Variants in SLC12A6 observed in about 807,000 individuals in gnomAD.
SLC12A6 encodes the protein K-Cl cotransporter 3.
In SLC12A6, 66 loss-of-function variants were observed where a neutral mutation model predicts 135.3. The observed-to-expected ratio is 0.49, with a 90% CI of 0.40 to 0.60. SLC12A6 has a LOEUF of 0.60. SLC12A6 is among the 20% of genes least tolerant of loss of function. The pLI, the probability that SLC12A6 is intolerant of heterozygous loss-of-function variation, is 0.00. For synonymous variants in SLC12A6, 513 were observed against 508.8 expected (o/e 1.01, Z -0.11); for missense variants, 1,058 against 1,452.3 (o/e 0.73, Z 4.41).
In SLC12A6 at chr15:34,332,385, T is replaced by C. The variant is rs140441611; in HGVS notation, c.271+4025A>G. On this transcript the variant is annotated intron_variant, in intron 2 of 25. Transcript: ENST00000354181. The stretch of plus-strand genomic sequence containing the variant: ...CATTATACCATGAGATCTGCAAAGG[T>C]AGAAACTATATGTTACCTGTATATT... Among the ~76,000 whole-genome samples, 3 of 152,314 alleles carry C rather than the reference T, an allele frequency of 2.0e-5. No individual in the cohort carries two copies. In the East Asian group the frequency reaches 5.8e-4, roughly 29 times the overall value.
intron 13 of SLC12A6, 129 bp from the exon 14 acceptor site, chr15:34,245,996 G>A (rs191278116): frequency 6.8e-4 from 519 of 759,756 alleles, no homozygotes; most frequent in Non-Finnish European, 3.8e-4. Flanking sequence ...GCAGTGGTGT[G>A]ATCTTGGCTC....
chr15:34,285,508 GT>G (rs746968107), intron 2 of SLC12A6, among the ~76,000 whole-genome samples: 183 of 143,280 alleles, frequency 1.3e-3, no homozygotes, highest in East Asian at 2.8e-3. Context: ...GCTTATGATG[GT>G]TTTTTTTTTT....
chr15:34,281,111 AAG>A (rs1894650146), intron 2 of SLC12A6, among the ~76,000 whole-genome samples: 1 of 152,206 alleles, frequency 6.6e-6, no homozygotes, highest in African/African-American at 2.4e-5. Flanking sequence ...TAGATAAAAA[AAG>A]AGTAAGTCTA....
At chr15:34,241,776 T>A (rs938838495) in intron 17 of SLC12A6, among the ~76,000 whole-genome samples, 1 of 152,248 alleles carries the variant, frequency 6.6e-6, no homozygotes, top group Admixed American at 6.5e-5. Context: ...TGTTCAGAAC[T>A]AATTTCTTTT....
At chr15:34,332,467 T>G (rs1889914327) in intron 2 of SLC12A6, among the ~76,000 whole-genome samples, 1 of 152,152 alleles carries the variant, frequency 6.6e-6, no homozygotes, top group Non-Finnish European at 1.5e-5. Context: ...GAGTATCTGT[T>G]GACTTATAAA....
At chr15:34,310,414 A>AGTGTGTGT (rs146623414) in intron 2 of SLC12A6, among the ~76,000 whole-genome samples, 108 of 57,556 alleles carry the variant, frequency 1.9e-3, no homozygotes, top group African/African-American at 8.5e-3. Context: ...CCTGGGCTCA[A>AGTGTGTGT]GTGTGTGTGT....
In SLC12A6 at chr15:34,240,654, C is replaced by A. The variant is rs781098444; in HGVS notation, c.2436+7G>T. On this transcript the variant is annotated splice_region_variant and intron_variant, in intron 19 of 25. Coordinates refer to ENST00000354181, the MANE Select transcript of SLC12A6 (RefSeq NM_001365088.1). Reference sequence around the variant, plus strand: ...GAGTTCCAATACCTCAAAAGCCTGACTCTTACCTGCTCAGCAGCTAAAGCT... The same window carrying A: ...GAGTTCCAATACCTCAAAAGCCTGAATCTTACCTGCTCAGCAGCTAAAGCT... The A allele has an allele frequency of 5.0e-6, 8 of 1,612,910 alleles. No homozygotes were observed. Among genetic ancestry groups the A allele is most frequent in the Non-Finnish European group, 6.8e-6 (8 of 1,178,904 alleles).
At chr15:34,332,732 G>A (rs931472033) in intron 2 of SLC12A6, among the ~76,000 whole-genome samples, 2 of 151,428 alleles carry the variant, frequency 1.3e-5, no homozygotes, top group East Asian at 1.9e-4. Context: ...GCAGTGAGCC[G>A]AGATAGCGCC....
intron 3 of SLC12A6, among the ~76,000 whole-genome samples, chr15:34,264,497 C>T (rs1893361415): frequency 6.6e-6 from 1 of 152,156 alleles, no homozygotes; most frequent in Non-Finnish European, 1.5e-5. Flanking sequence ...CTGACTTCTT[C>T]AGCAAATAAA....
At chr15:34,237,179 C>A in intron 22 of SLC12A6, 1 of 479,208 alleles carries the variant, frequency 2.1e-6, no homozygotes. Context: ...GAGAATCTGG[C>A]AGAAATATAA....
At position 34,242,854 on chromosome 15, in the gene SLC12A6, C is replaced by T. The variant is rs141041553; in HGVS notation, c.2043-633G>A. The stretch of plus-strand genomic sequence containing the variant: ...GACCATCCTGGCTAACACGGTGAAA[C>T]CCTGTCTTTACTAAAAATACAAAAA... On this transcript the variant is annotated intron_variant, in intron 16 of 25. Coordinates refer to ENST00000354181, the MANE Select transcript of SLC12A6 (RefSeq NM_001365088.1). Among the ~76,000 whole-genome samples the T allele has an allele frequency of 3.3e-3, 508 of 152,112 alleles. 3 individuals carry two copies. The highest frequency in any genetic ancestry group is 0.02 in the Middle Eastern group (6 of 294).
chr15:34,281,952 AAT>A (rs138615720), intron 2 of SLC12A6, among the ~76,000 whole-genome samples: 312 of 152,284 alleles, frequency 2.0e-3, no homozygotes, highest in Non-Finnish European at 3.9e-3. Flanking sequence ...ATGTAATAAA[AAT>A]ATAGTTTAAA....
rs988019151 is a variant in SLC12A6 at position 34,233,946 on chromosome 15, C to T, written c.3388G>A (p.Glu1130Lys). 4 of 1,601,892 alleles carry T rather than the reference C, an allele frequency of 2.5e-6. No homozygotes were observed. The highest frequency in any genetic ancestry group is 1.7e-5 in the Admixed American group (1 of 59,982). Residue 1130 changes from glutamate to lysine, a missense_variant, in exon 26 of 26, where the codon GAG (glutamate) becomes AAG (lysine). Glu to Lys is a moderately conservative substitution (Grantham distance 56, BLOSUM62 1). Around this residue, in one of 6 missense-constraint regions of SLC12A6, gnomAD observed 245 missense variants for 440.8 expected, o/e 0.56. Coordinates refer to ENST00000354181, the MANE Select transcript of SLC12A6 (RefSeq NM_001365088.1). ...ACAAGTAGGACTCGCTCTAGTCCCT[C>T]GGTAAGCACCTCTAGGAACTCCATG... ...NYMEFLEVLT[E>K]GLERVLLVRG...
chr15:34,320,603 ATTT>A lies in SLC12A6; in HGVS notation c.271+15804_271+15806del, dbSNP rs10543386. On this transcript the variant is annotated intron_variant, in intron 2 of 25. Transcript: ENST00000354181. ...TACTGGCCTTGTTTTGGAATAAACA[ATTT>A]TTTTTTTTTTTTTTTAAAGAAAAAG... 3.4e-3 allele frequency among the ~76,000 whole-genome samples: 490 copies of A among 144,974 alleles called. 9 individuals carry two copies. The highest frequency in any genetic ancestry group is 0.011 in the African/African-American group (421 of 39,220).
chr15:34,325,018 A>G (rs1321510783), intron 2 of SLC12A6, among the ~76,000 whole-genome samples: 1 of 152,214 alleles, frequency 6.6e-6, no homozygotes, highest in Non-Finnish European at 1.5e-5. Context: ...ACTGCTATGC[A>G]AGTTTCTAAA....
intron 2 of SLC12A6, among the ~76,000 whole-genome samples, chr15:34,301,982 T>C (rs1267554619): frequency 1.3e-5 from 2 of 152,188 alleles, no homozygotes; most frequent in South Asian, 2.1e-4. Context: ...ATAAAGAAAA[T>C]GCAAATGAGG....
chr15:34,250,894 T>C lies in SLC12A6; in HGVS notation c.1492+5A>G, dbSNP rs1389092314. The C allele has an allele frequency of 1.9e-6, 3 of 1,607,814 alleles. No homozygotes were observed. Among genetic ancestry groups the C allele is most frequent in the African/African-American group, 1.3e-5 (1 of 74,930 alleles). ...TCTAAAATATACAACAGCCTATGTG[T>C]TTACCTGTAACAGAGGGAAAGAAGA... On this transcript the variant is annotated splice_donor_5th_base_variant and intron_variant, in intron 11 of 25. Coordinates refer to ENST00000354181, the MANE Select transcript of SLC12A6 (RefSeq NM_001365088.1).
chr15:34,236,680 G>T (rs371318301), intron 23 of SLC12A6, 28 bp downstream of exon 23: 3 of 1,236,548 alleles, frequency 2.4e-6, no homozygotes, highest in Admixed American at 1.7e-5. Context: ...TAGAGAGCAC[G>T]GATTGGATTG....
At chr15:34,236,654 T>G in intron 23 of SLC12A6, 54 bp downstream of exon 23, 1 of 1,084,920 alleles carries the variant, frequency 9.2e-7, no homozygotes, top group Non-Finnish European at 1.4e-6. Flanking sequence ...GTATCATCCC[T>G]TTCAGTGACA....
Sources: gnomAD v4.1 joint callset for allele counts (sites outside exome capture counted in the v4.1 genomes callset) on GRCh38, gnomAD v4.1.1 for gene constraint, gnomAD v4.1.1 regional missense constraint, MANE v1.5 for transcripts, NCBI Gene and HGNC (gene_info 2026-07-23, HGNC 2026-07-21) for gene names.